CNTN4: variants seen among roughly 807,000 people sequenced by gnomAD.
The protein encoded by CNTN4 is contactin-4.
A neutral mutation model predicts 122.5 loss-of-function variants in CNTN4; 77 were observed. That is an observed-to-expected ratio of 0.63 (90% CI 0.52 to 0.76). The LOEUF (loss-of-function observed/expected upper bound fraction) is 0.76, where lower values mean the gene tolerates loss of function less well. CNTN4 is among the 30% of genes least tolerant of loss of function. The probability of loss-of-function intolerance (pLI) is 0.00; values close to 1 mark genes in which losing one functional copy is unlikely to be tolerated. For missense variants in CNTN4, 1,256 were observed against 1,259.1 expected, an observed-to-expected ratio of 1.00 and a Z score of 0.04; for synonymous variants, 512 against 447.0, an observed-to-expected ratio of 1.15 and a Z score of -1.83.
intron 4 of CNTN4, among the ~76,000 whole-genome samples, chr3:2,573,568 A>C (rs946490156): frequency 6.6e-6 from 1 of 152,200 alleles, no homozygotes. Context: ...ATTTGGCTAC[A>C]GCATAATGTT....
chr3:2,245,992 C>T (rs1331856621), intron 2 of CNTN4, among the ~76,000 whole-genome samples: 1 of 151,950 alleles, frequency 6.6e-6, no homozygotes, highest in African/African-American at 2.4e-5. Context: ...GCGTGCTCTA[C>T]CTTACACTCT....
intron 14 of CNTN4, among the ~76,000 whole-genome samples, chr3:2,989,659 T>G (rs186886574): frequency 6.2e-4 from 94 of 152,322 alleles, no homozygotes; most frequent in African/African-American, 2.2e-3. Context: ...TTTAGATTGA[T>G]TACAACTATT....
chr3:2,922,083 C>G lies in CNTN4; in HGVS notation c.1208-3546C>G, dbSNP rs114005057. Among the ~76,000 whole-genome samples the G allele has an allele frequency of 7.1e-3, 1,083 of 152,236 alleles. 12 individuals carry two copies. Among genetic ancestry groups the G allele is most frequent in the African/African-American group, 0.025 (1,028 of 41,538 alleles). On this transcript the variant is annotated intron_variant, in intron 12 of 24. Transcript: ENST00000418658. ...TAGCAGTGCATGTGAGAAATATTAT[C>G]ATTTAAGTATATTAAATACAGCAAA...
intron 3 of CNTN4, among the ~76,000 whole-genome samples, chr3:2,559,944 T>C (rs907292786): frequency 6.6e-5 from 10 of 152,142 alleles, no homozygotes; most frequent in Non-Finnish European, 1.2e-4. Flanking sequence ...GTCTGACATA[T>C]TGCATGTGTT....
At chr3:2,446,784 A>G (rs537570425) in intron 3 of CNTN4, among the ~76,000 whole-genome samples, 38 of 152,328 alleles carry the variant, frequency 2.5e-4, no homozygotes, top group African/African-American at 8.4e-4. Flanking sequence ...CTTAAAAATG[A>G]CAGTGCTAAA....
chr3:2,555,892 G>A (rs2078701512), intron 3 of CNTN4, among the ~76,000 whole-genome samples: 2 of 152,128 alleles, frequency 1.3e-5, no homozygotes, highest in African/African-American at 2.4e-5. Context: ...TCAGAAGTGA[G>A]AATTTCTGAA....
intron 4 of CNTN4, among the ~76,000 whole-genome samples, chr3:2,656,020 G>A (rs2083572489): frequency 6.6e-6 from 1 of 152,128 alleles, no homozygotes; most frequent in Non-Finnish European, 1.5e-5. Context: ...AAAATAAAAT[G>A]GACTTTCTGG....
chr3:2,585,434 C>T (rs1054830032), intron 4 of CNTN4, among the ~76,000 whole-genome samples: 1 of 151,964 alleles, frequency 6.6e-6, no homozygotes, highest in Non-Finnish European at 1.5e-5. Context: ...GACTTGGAAC[C>T]AACCCAAATG....
intron 4 of CNTN4, among the ~76,000 whole-genome samples, chr3:2,732,825 C>T (rs866497662): frequency 6.6e-6 from 1 of 152,046 alleles, no homozygotes; most frequent in Non-Finnish European, 1.5e-5. Context: ...AAAATTTCTC[C>T]CTTCATCTTT....
intron 3 of CNTN4, among the ~76,000 whole-genome samples, chr3:2,359,722 G>A (rs1035313784): frequency 2.6e-5 from 4 of 152,032 alleles, no homozygotes; most frequent in African/African-American, 9.7e-5. Flanking sequence ...TGTATTTTTA[G>A]TAGAGACAGG....
chr3:2,736,922 T>TA (rs1177468643), intron 5 of CNTN4, among the ~76,000 whole-genome samples: 2 of 152,132 alleles, frequency 1.3e-5, no homozygotes, highest in East Asian at 3.8e-4. Context: ...TAGCTAGGAT[T>TA]ACAGATGTGT....
At chr3:2,824,503 T>C (rs2092945911) in intron 7 of CNTN4, among the ~76,000 whole-genome samples, 1 of 152,002 alleles carries the variant, frequency 6.6e-6, no homozygotes. Context: ...GCTGACTCGC[T>C]CACTCTGAGG....
At chr3:2,804,664 G>A (rs951166341) in intron 6 of CNTN4, among the ~76,000 whole-genome samples, 2 of 152,014 alleles carry the variant, frequency 1.3e-5, no homozygotes, top group Non-Finnish European at 2.9e-5. Flanking sequence ...TATCACTTGA[G>A]GACCAGGATA....
At chr3:2,708,965 C>T (rs1021243314) in intron 4 of CNTN4, among the ~76,000 whole-genome samples, 51 of 152,136 alleles carry the variant, frequency 3.4e-4, no homozygotes, top group Non-Finnish European at 2.5e-4. Flanking sequence ...GTGTCGATAT[C>T]GCATTGCAGA....
intron 2 of CNTN4, among the ~76,000 whole-genome samples, chr3:2,172,724 A>G (rs2036570846): frequency 6.6e-6 from 1 of 152,186 alleles, no homozygotes; most frequent in South Asian, 2.1e-4. Context: ...CTCTAGCTGC[A>G]GTGTATAGCA....
intron 2 of CNTN4, among the ~76,000 whole-genome samples, chr3:2,204,271 A>T (rs2038236237): frequency 6.6e-6 from 1 of 152,184 alleles, no homozygotes; most frequent in Non-Finnish European, 1.5e-5. Context: ...AATTGCATAC[A>T]TCTTTTTAAT....
Position 2,804,946 on chromosome 3 carries a change from G to A in CNTN4, c.359-14540G>A, listed in dbSNP as rs140062054. ...TCCCAACACTTTGGGAGGCTGAGGC[G>A]GGCGGATCACCTGAGGTCAGGAGTT... is the stretch of plus-strand genomic sequence containing the variant. On this transcript the variant is annotated intron_variant, in intron 6 of 24. Coordinates refer to ENST00000418658, the MANE Select transcript of CNTN4 (RefSeq NM_175607.3). Among the ~76,000 whole-genome samples the A allele has an allele frequency of 6.5e-3, 994 of 152,138 alleles. 11 individuals carry two copies. Among genetic ancestry groups the A allele is most frequent in the African/African-American group, 0.022 (931 of 41,508 alleles).
rs115408842 is a variant in CNTN4 at position 2,604,994 on chromosome 3, T to A, written c.55+33436T>A. On this transcript the variant is annotated intron_variant, in intron 4 of 24. Coordinates refer to ENST00000418658, the MANE Select transcript of CNTN4 (RefSeq NM_175607.3). ...AGAACTTATTAATATTTTGCATAACTGTTCTGCTAGGCTTTTTAAACATTT... is the reference window on the plus strand; with the variant it reads ...AGAACTTATTAATATTTTGCATAACAGTTCTGCTAGGCTTTTTAAACATTT... Among the ~76,000 whole-genome samples the A allele has an allele frequency of 9.9e-3, 1,508 of 152,300 alleles. 17 individuals are homozygous for A. The highest frequency in any genetic ancestry group is 0.034 in the African/African-American group (1,426 of 41,560).
rs1435567370 is a variant in CNTN4, at chr3:2,635,314, A to G, written c.55+63756A>G. 2.0e-5 allele frequency among the ~76,000 whole-genome samples: 3 copies of G among 152,222 alleles called. No individual in the cohort carries two copies. The East Asian group carries it at 5.8e-4, about 29-fold the overall frequency. On this transcript the variant is annotated intron_variant, in intron 4 of 24. Coordinates refer to ENST00000418658, the MANE Select transcript of CNTN4 (RefSeq NM_175607.3). ...TGAGATATTGAGATACCAAACTGTAATTGGAAATGAAAATATTTTCTCTTC... is the reference window on the plus strand; with the variant it reads ...TGAGATATTGAGATACCAAACTGTAGTTGGAAATGAAAATATTTTCTCTTC...
Sources: allele counts gnomAD v4.1 joint callset (sites outside exome capture counted in the v4.1 genomes callset), GRCh38; gene constraint gnomAD v4.1.1; transcripts MANE v1.5; gene names NCBI Gene and HGNC (gene_info 2026-07-23, HGNC 2026-07-21).